Variants in WNT3 observed in about 807,000 individuals in gnomAD.
The protein encoded by WNT3 is proto-oncogene Wnt-3.
In WNT3, 7 loss-of-function variants were observed where a neutral mutation model predicts 34.2. That is an observed-to-expected ratio of 0.20 (90% confidence interval 0.12 to 0.38). The LOEUF (loss-of-function observed/expected upper bound fraction) is 0.38. Among genes scored for constraint, WNT3 ranks in the 10% least tolerant of loss-of-function variants. WNT3 has a pLI of 1.00. For missense variants in WNT3, 267 were observed against 499.8 expected (o/e 0.53, Z 4.44); for synonymous variants, 212 against 211.5 (o/e 1.00, Z -0.02).
intron 2 of WNT3, 152 bp from the exon 3 acceptor site, chr17:46,770,200 C>T (rs2059351296): frequency 9.0e-7 from 1 of 1,106,228 alleles, no homozygotes; most frequent in African/African-American, 1.6e-5. Flanking sequence ...AGCTTCCCCA[C>T]CCTCTTTGGC....
intron 1 of WNT3, among the ~76,000 whole-genome samples, chr17:46,813,287 A>C (rs930161957): frequency 6.6e-6 from 1 of 151,774 alleles, no homozygotes; most frequent in African/African-American, 2.4e-5. Context: ...TGAAGCCCAG[A>C]AGGAGGCAGG....
intron 1 of WNT3, among the ~76,000 whole-genome samples, chr17:46,791,554 C>G (rs1382656988): frequency 6.6e-6 from 1 of 152,162 alleles, no homozygotes; most frequent in African/African-American, 2.4e-5. Flanking sequence ...TCTGCAGAGC[C>G]TCACCTCCTC....
At chr17:46,790,565 C>A (rs1016270029) in intron 1 of WNT3, among the ~76,000 whole-genome samples, 1 of 152,136 alleles carries the variant, frequency 6.6e-6, no homozygotes, top group African/African-American at 2.4e-5. Flanking sequence ...CTGCCCTCCC[C>A]CTGGGCCCCA....
intron 1 of WNT3, among the ~76,000 whole-genome samples, chr17:46,796,893 G>A (rs1026971483): frequency 2.0e-5 from 3 of 152,142 alleles, no homozygotes; most frequent in Non-Finnish European, 1.5e-5. Flanking sequence ...TAGTTTACAC[G>A]GGATGATTAC....
rs767224254 is a variant in WNT3 at position 46,818,603 on chromosome 17, G to T, written c.-6C>A. 9.4e-6 allele frequency: 15 copies of T among 1,591,168 alleles called. No individual in the cohort carries two copies. Among genetic ancestry groups the T allele is most frequent in the Non-Finnish European group, 1.3e-5 (15 of 1,169,058 alleles). On this transcript the variant is annotated 5_prime_UTR_variant, in exon 1 of 5. Coordinates refer to ENST00000225512, the MANE Select transcript of WNT3 (RefSeq NM_030753.5). Reference sequence around the variant, plus strand: ...CCGAGCAGGTGGGGCTCCATTAGAAGAGGCGCCGAGGAGGAAGTTTGCCCG... The same window carrying T: ...CCGAGCAGGTGGGGCTCCATTAGAATAGGCGCCGAGGAGGAAGTTTGCCCG...
chr17:46,774,142 CAGA>C (rs1368395287), intron 1 of WNT3, among the ~76,000 whole-genome samples: 1 of 152,228 alleles, frequency 6.6e-6, no homozygotes, highest in African/African-American at 2.4e-5. Context: ...GATGGGACCG[CAGA>C]AGCCGCTTGT....
intron 4 of WNT3, among the ~76,000 whole-genome samples, chr17:46,765,585 G>A (rs550769022): frequency 6.6e-6 from 1 of 152,168 alleles, no homozygotes; most frequent in Admixed American, 6.5e-5. Context: ...GGGAAGACAA[G>A]AGAACAGCTA....
intron 1 of WNT3, among the ~76,000 whole-genome samples, chr17:46,776,788 G>A (rs1315970644): frequency 6.6e-6 from 1 of 152,114 alleles, no homozygotes; most frequent in Admixed American, 6.6e-5. Context: ...TTCCTCTGGT[G>A]TTTGGGACCC....
intron 1 of WNT3, among the ~76,000 whole-genome samples, chr17:46,810,004 C>CTTTTTTT (rs11292601): frequency 2.4e-5 from 3 of 126,370 alleles, no homozygotes; most frequent in African/African-American, 3.0e-5. Context: ...TTCTTTCTTT[C>CTTTTTTT]TTTTTTTTTT....
chr17:46,804,840 A>G (rs186015996), intron 1 of WNT3, among the ~76,000 whole-genome samples: 2 of 152,208 alleles, frequency 1.3e-5, no homozygotes, highest in Non-Finnish European at 2.9e-5. Context: ...AAAATGGACC[A>G]ATCAGCACTC....
intron 1 of WNT3, among the ~76,000 whole-genome samples, chr17:46,803,602 G>A (rs1457373165): frequency 6.6e-6 from 1 of 152,182 alleles, no homozygotes; most frequent in African/African-American, 2.4e-5. Flanking sequence ...CCACCTAGAG[G>A]GCTAGGTTAC....
chr17:46,808,503 G>T (rs982821026), intron 1 of WNT3, among the ~76,000 whole-genome samples: 2 of 152,188 alleles, frequency 1.3e-5, no homozygotes, highest in Non-Finnish European at 2.9e-5. Context: ...AAGGAAAAAG[G>T]CTTTAGGTCC....
chr17:46,768,923 G>T lies in WNT3; in HGVS notation c.589-124C>A. On this transcript the variant is annotated intron_variant, in intron 3 of 4. Coordinates refer to ENST00000225512, the MANE Select transcript of WNT3 (RefSeq NM_030753.5). This position sits in a 1 kb window ranked among gnomAD's most constrained non-coding sequence, Gnocchi z 5.0. ...CTTCTCTACTCCTCTGTGACAGGAA[G>T]AGAACTGATGGGGACTGAGGCAAGA... The T allele has an allele frequency of 7.0e-7, 1 of 1,422,800 alleles. No individual in the cohort carries two copies. Among genetic ancestry groups the T allele is most frequent in the Non-Finnish European group, 9.4e-7 (1 of 1,065,000 alleles). The allele number at this position is 1,422,800 out of a possible 1,614,324, so 88.1% of individuals were successfully genotyped here.
intron 1 of WNT3, among the ~76,000 whole-genome samples, chr17:46,814,842 T>C (rs1362322209): frequency 2.0e-5 from 3 of 152,264 alleles, no homozygotes; most frequent in Admixed American, 1.3e-4. Flanking sequence ...CAGCAGGACA[T>C]CTGACAGATG....
chr17:46,795,161 G>A (rs963004345), intron 1 of WNT3, among the ~76,000 whole-genome samples: 2 of 152,058 alleles, frequency 1.3e-5, no homozygotes, highest in Admixed American at 1.3e-4. Context: ...GGTGCTGAGG[G>A]AATTGTTCCC....
intron 1 of WNT3, among the ~76,000 whole-genome samples, chr17:46,779,701 G>A (rs550910511): frequency 3.9e-5 from 6 of 152,194 alleles, no homozygotes; most frequent in Non-Finnish European, 7.3e-5. Context: ...CCCTGATAAC[G>A]CCTGCTGTGG....
At chr17:46,779,474 G>A (rs543779072) in intron 1 of WNT3, among the ~76,000 whole-genome samples, 13 of 152,238 alleles carry the variant, frequency 8.5e-5, no homozygotes, top group Admixed American at 5.2e-4. Flanking sequence ...TCCTGAAGCC[G>A]GCTCATCCTC....
chr17:46,818,432 C>T, intron 1 of WNT3, 86 bp downstream of exon 1: 1 of 1,375,804 alleles, frequency 7.3e-7, no homozygotes, highest in Non-Finnish European at 1.0e-6. Context: ...CCCAGCCCTG[C>T]AGCGGCCCAC....
At chr17:46,818,355 G>C (rs960779625) in intron 1 of WNT3, among the ~76,000 whole-genome samples, 163 bp downstream of exon 1, 16 of 128,456 alleles carry the variant, frequency 1.2e-4, no homozygotes, top group African/African-American at 4.1e-4. Context: ...GATTCTGAAG[G>C]CGACACCAGC....
Sources: allele counts gnomAD v4.1 joint callset (sites outside exome capture counted in the v4.1 genomes callset), GRCh38; gene constraint gnomAD v4.1.1; non-coding constraint Gnocchi (gnomAD v3.1); transcripts MANE v1.5; gene names NCBI Gene and HGNC (gene_info 2026-07-23, HGNC 2026-07-21).